BUB1B: variants seen among roughly 807,000 people sequenced by gnomAD.
The protein encoded by BUB1B is BUB1 mitotic checkpoint serine/threonine kinase B.
A neutral mutation model predicts 137.7 loss-of-function variants in BUB1B; 86 were observed. That is an observed-to-expected ratio of 0.62 (90% CI 0.52 to 0.75). BUB1B has a LOEUF of 0.75. Among genes scored for constraint, BUB1B ranks in the 30% least tolerant of loss-of-function variants. The probability of loss-of-function intolerance (pLI) is 0.00; values close to 1 mark genes in which losing one functional copy is unlikely to be tolerated. For missense variants in BUB1B, 1,130 were observed against 1,236.9 expected, an observed-to-expected ratio of 0.91 and a Z score of 1.30; for synonymous variants, 420 against 417.9, an observed-to-expected ratio of 1.00 and a Z score of -0.06.
At chr15:40,172,866 C>T (rs775879834) in intron 4 of BUB1B, among the ~76,000 whole-genome samples, 9 of 152,154 alleles carry the variant, frequency 5.9e-5, no homozygotes, top group Non-Finnish European at 1.3e-4. Flanking sequence ...AAGAATGGCA[C>T]CCAAAGAATG....
intron 6 of BUB1B, 41 bp downstream of exon 6, chr15:40,183,924 T>C: frequency 6.3e-7 from 1 of 1,598,200 alleles, no homozygotes; most frequent in Non-Finnish European, 8.6e-7. Flanking sequence ...TGTTAGTTTC[T>C]AGTGGTAAAA....
intron 15 of BUB1B, 63 bp downstream of exon 15, chr15:40,206,521 G>C (rs1333346570): frequency 6.3e-7 from 1 of 1,595,922 alleles, no homozygotes; most frequent in South Asian, 1.1e-5. Flanking sequence ...GCATGTGCTT[G>C]TCAGTTACAG....
intron 19 of BUB1B, 146 bp downstream of exon 19, chr15:40,212,794 G>C (rs1227982429): frequency 9.7e-6 from 8 of 824,574 alleles, no homozygotes; most frequent in Non-Finnish European, 1.5e-5. Context: ...TAATTTTCTC[G>C]TTATTTTGAC....
intron 8 of BUB1B, among the ~76,000 whole-genome samples, chr15:40,195,659 C>A (rs575409151): frequency 6.6e-6 from 1 of 152,108 alleles, no homozygotes; most frequent in East Asian, 1.9e-4. Flanking sequence ...TTTTTGATTT[C>A]TTTATTATGG....
chr15:40,202,675 A>G lies in BUB1B; in HGVS notation c.1715A>G (p.Asp572Gly). 1.2e-6 allele frequency: 2 copies of G among 1,613,508 alleles called. No individual in the cohort carries two copies. The change falls in exon 14 of 23, where the codon GAT (aspartate) becomes GGT (glycine). Residue 572 changes from aspartate to glycine, a missense_variant. By Grantham distance (94) the Asp-to-Gly change is moderately conservative. Transcript: ENST00000287598. ...TCAGAAAGCATCACCTCAAATGAAG[A>G]TGTGTCTCCAGATGTTTGTGTAAGG... ...KTSESITSNE[D>G]VSPDVCDEFT...
chr15:40,190,003 T>G (rs534233269), intron 8 of BUB1B, among the ~76,000 whole-genome samples: 16 of 152,350 alleles, frequency 1.1e-4, no homozygotes, highest in African/African-American at 3.8e-4. Flanking sequence ...TTTGTATATC[T>G]TCTTTGGAGA....
chr15:40,213,013 G>C (rs953847326), intron 19 of BUB1B, among the ~76,000 whole-genome samples: 2 of 152,044 alleles, frequency 1.3e-5, no homozygotes, highest in African/African-American at 4.8e-5. Flanking sequence ...TTCTTAAGAA[G>C]GTTTGCTATG....
At chr15:40,178,885 T>C (rs1440570376) in intron 5 of BUB1B, among the ~76,000 whole-genome samples, 1 of 152,046 alleles carries the variant, frequency 6.6e-6, no homozygotes, top group African/African-American at 2.4e-5. Context: ...TTTCCCTTTC[T>C]TTACTTTTTA....
chr15:40,199,730 AAT>A lies in BUB1B; in HGVS notation c.1401+4_1401+5del. 1 of 1,607,398 alleles carries A rather than the reference AAT, an allele frequency of 6.2e-7. No individual in the cohort carries two copies. The highest frequency in any genetic ancestry group is 8.5e-7 in the Non-Finnish European group (1 of 1,174,048). ...AGCAAGAAAGAACAGGTGATCAGGT[AAT>A]TTTTCTTTTTTCATACACAAAACTA... On this transcript the variant is annotated splice_donor_5th_base_variant and intron_variant, in intron 10 of 22. Coordinates refer to ENST00000287598, the MANE Select transcript of BUB1B (RefSeq NM_001211.6).
At chr15:40,194,501 G>T (rs1050203718) in intron 8 of BUB1B, among the ~76,000 whole-genome samples, 1 of 152,224 alleles carries the variant, frequency 6.6e-6, no homozygotes, top group Non-Finnish European at 1.5e-5. Flanking sequence ...GGTTGAGCAA[G>T]TTGGGGAAAC....
In BUB1B at chr15:40,220,616, A is replaced by C. The variant is rs1290614214; in HGVS notation, c.3010A>C (p.Asn1004His). 6.2e-7 allele frequency: 1 copy of C among 1,614,100 alleles called. No homozygotes were observed. The highest frequency in any genetic ancestry group is 1.3e-5 in the African/African-American group (1 of 74,936). The change falls in exon 23 of 23, where the codon AAT (asparagine) becomes CAT (histidine). Residue 1004 changes from asparagine to histidine, a missense_variant. Physicochemically the swap from Asn to His is moderately conservative, Grantham distance 68. Transcript: ENST00000287598. Reference protein sequence around the residue: ...NKFFVRILNANDEATVSVLGE... With the variant: ...NKFFVRILNAHDEATVSVLGE... ...ATTCTTTGTGCGGATTCTGAATGCCAATGATGAGGCCACAGTGTCTGTTCT... is the reference window on the plus strand; with the variant it reads ...ATTCTTTGTGCGGATTCTGAATGCCCATGATGAGGCCACAGTGTCTGTTCT...
At chr15:40,183,649 T>C (rs1419822309) in intron 5 of BUB1B, 65 bp from the exon 6 acceptor site, 10 of 1,509,076 alleles carry the variant, frequency 6.6e-6, no homozygotes, top group African/African-American at 5.5e-5. Flanking sequence ...TTTAACAAAT[T>C]GGAAATTTTG....
intron 20 of BUB1B, among the ~76,000 whole-genome samples, chr15:40,216,015 A>T (rs2037775595): frequency 6.6e-6 from 1 of 152,212 alleles, no homozygotes; most frequent in South Asian, 2.1e-4. Flanking sequence ...TGAGATCCAA[A>T]AAAATGGAAT....
chr15:40,201,860 G>A (rs1251860983), intron 12 of BUB1B, among the ~76,000 whole-genome samples: 2 of 151,696 alleles, frequency 1.3e-5, no homozygotes, highest in South Asian at 2.1e-4. Flanking sequence ...TAGTAGAGAC[G>A]GGGTTTCATC....
intron 20 of BUB1B, among the ~76,000 whole-genome samples, chr15:40,213,729 G>T (rs2037742478): frequency 6.6e-6 from 1 of 152,124 alleles, no homozygotes; most frequent in Admixed American, 6.5e-5. Flanking sequence ...GTAGAGATGA[G>T]GTTTCACCAT....
At chr15:40,199,436 T>A (rs1361926577) in intron 9 of BUB1B, among the ~76,000 whole-genome samples, 179 bp from the exon 10 acceptor site, 1 of 152,250 alleles carries the variant, frequency 6.6e-6, no homozygotes, top group Non-Finnish European at 1.5e-5. Context: ...GGTATTCTAT[T>A]TTTTTATTGA....
chr15:40,178,671 G>T (rs531375112), intron 5 of BUB1B, among the ~76,000 whole-genome samples: 1 of 152,030 alleles, frequency 6.6e-6, no homozygotes, highest in East Asian at 1.9e-4. Flanking sequence ...AAGCCTCTTT[G>T]TGATTTTGTC....
intron 5 of BUB1B, among the ~76,000 whole-genome samples, chr15:40,177,997 C>T (rs1340083682): frequency 2.0e-5 from 3 of 149,680 alleles, no homozygotes; most frequent in Non-Finnish European, 4.5e-5. Flanking sequence ...ATCAATTTTA[C>T]TGATTGTTTT....
chr15:40,169,855 C>T (rs2037141821), intron 2 of BUB1B, among the ~76,000 whole-genome samples: 1 of 152,060 alleles, frequency 6.6e-6, no homozygotes, highest in Non-Finnish European at 1.5e-5. Context: ...TCAAGTGATC[C>T]ACCCCACTTG....
Sources: allele counts gnomAD v4.1 joint callset (sites outside exome capture counted in the v4.1 genomes callset), GRCh38; gene constraint gnomAD v4.1.1; transcripts MANE v1.5; gene names NCBI Gene and HGNC (gene_info 2026-07-23, HGNC 2026-07-21).